The following ATG4A variants were observed in gnomAD, a reference collection of about 807,000 sequenced individuals.
ATG4A encodes the protein cysteine protease ATG4A.
A neutral mutation model predicts 38.4 loss-of-function variants in ATG4A; 22 were observed. The observed-to-expected ratio is 0.57, with a 90% CI of 0.41 to 0.82. The LOEUF (loss-of-function observed/expected upper bound fraction) is 0.82, where lower values mean the gene tolerates loss of function less well. ATG4A is among the 40% of genes least tolerant of loss of function. The pLI is 0.00. For missense variants in ATG4A, 220 were observed against 290.0 expected, an observed-to-expected ratio of 0.76 and a Z score of 1.75; for synonymous variants, 86 against 100.7, an observed-to-expected ratio of 0.85 and a Z score of 0.88.
At chrX:108,144,030 G>C (rs2033366782) in intron 9 of ATG4A, among the ~76,000 whole-genome samples, 1 of 112,422 alleles carries the variant, frequency 8.9e-6, no homozygotes. Flanking sequence ...AATTCCATGA[G>C]AATGAGCTCA....
intron 9 of ATG4A, among the ~76,000 whole-genome samples, chrX:108,141,921 G>A (rs907791099): frequency 1.8e-5 from 2 of 110,986 alleles, no homozygotes; most frequent in South Asian, 7.7e-4. Flanking sequence ...TATACCTGTC[G>A]CCCAAATATT....
At chrX:108,121,311 C>A (rs2032642063) in intron 1 of ATG4A, among the ~76,000 whole-genome samples, 1 of 111,393 alleles carries the variant, frequency 9.0e-6, no homozygotes. Flanking sequence ...ATCTATCATG[C>A]CTGTTTTCAA....
At chrX:108,141,505 C>T (rs1289434709) in intron 9 of ATG4A, among the ~76,000 whole-genome samples, 1 of 111,620 alleles carries the variant, frequency 9.0e-6, no homozygotes, top group Non-Finnish European at 1.9e-5. Context: ...AAGAGTCGAT[C>T]CCAATTTGAT....
At chrX:108,105,756 C>T (rs755419188) in intron 1 of ATG4A, among the ~76,000 whole-genome samples, 1 of 111,367 alleles carries the variant, frequency 9.0e-6, no homozygotes, top group South Asian at 3.8e-4. Flanking sequence ...ATAGAAACCT[C>T]TTCCTGGTTC....
chrX:108,148,426 G>A (rs1299962867), intron 9 of ATG4A, among the ~76,000 whole-genome samples: 1 of 99,323 alleles, frequency 1.0e-5, no homozygotes, highest in Non-Finnish European at 2.0e-5. Context: ...CAGTCAAGTT[G>A]ACACTCAGTA....
chrX:108,115,596 G>A (rs2032485321), intron 1 of ATG4A, among the ~76,000 whole-genome samples: 1 of 112,230 alleles, frequency 8.9e-6, no homozygotes, highest in Non-Finnish European at 1.9e-5. Context: ...TTGCTATGTA[G>A]CATTCCAAAG....
intron 1 of ATG4A, among the ~76,000 whole-genome samples, chrX:108,104,598 A>G (rs1226858032): frequency 9.0e-6 from 1 of 111,605 alleles, no homozygotes; most frequent in Admixed American, 9.5e-5. Context: ...ACTTTTGACA[A>G]TCTGATTACA....
At chrX:108,101,723 C>G (rs2032020676) in intron 1 of ATG4A, among the ~76,000 whole-genome samples, 1 of 109,112 alleles carries the variant, frequency 9.2e-6, no homozygotes, top group Non-Finnish European at 1.9e-5. Context: ...GCTTATTGAG[C>G]AGCAACTCCC....
At chrX:108,145,044 C>T (rs1265777951) in intron 9 of ATG4A, among the ~76,000 whole-genome samples, 1 of 112,203 alleles carries the variant, frequency 8.9e-6, no homozygotes, top group Non-Finnish European at 1.9e-5. Flanking sequence ...ATTGCAGCAA[C>T]TTATCCTTCA....
chrX:108,142,314 G>T (rs1300363794), intron 9 of ATG4A, among the ~76,000 whole-genome samples: 1 of 110,891 alleles, frequency 9.0e-6, no homozygotes, highest in Non-Finnish European at 1.9e-5. Context: ...AGGCTGGGAT[G>T]GGGATCGCTT....
At chrX:108,143,874 G>A (rs2033363723) in intron 9 of ATG4A, 3 of 115,333 alleles carry the variant, frequency 2.6e-5, no homozygotes, top group Admixed American at 1.9e-4. Context: ...CTAATTCAGA[G>A]CTTACACAGC....
At position 108,151,700 on chromosome X, in the gene ATG4A, T is replaced by C. The variant is rs1364005656; in HGVS notation, c.961-102T>C. ...GTCTTCCTTCTTTATTGCTGAGAAG[T>C]CACATCCACAGAGACTGGCCCACAT... is the stretch of plus-strand genomic sequence containing the variant. On this transcript the variant is annotated intron_variant, in intron 10 of 12. Transcript: ENST00000372232. The C allele has an allele frequency of 3.7e-6, 3 of 803,484 alleles. No individual in the cohort carries two copies. In the African/African-American group the frequency reaches 6.1e-5, roughly 16 times the overall value. 66.2% of individuals were successfully genotyped at this position (803,484 alleles called of 1,213,427 possible).
chrX:108,149,284 C>T (rs892147687), intron 9 of ATG4A, among the ~76,000 whole-genome samples: 9 of 112,558 alleles, frequency 8.0e-5, no homozygotes, highest in Middle Eastern at 9.3e-3. Flanking sequence ...CCCTCAGGCC[C>T]GGACAGTGAG....
intron 9 of ATG4A, among the ~76,000 whole-genome samples, chrX:108,148,030 T>TATATATATATAA (rs2033470778): frequency 1.4e-3 from 2 of 1,416 alleles, no homozygotes; most frequent in African/African-American, 9.8e-3. Context: ...AATATATATA[T>TATATATATATAA]ATATATATAT....
intron 4 of ATG4A, among the ~76,000 whole-genome samples, chrX:108,133,395 A>G (rs2033013331): frequency 8.9e-6 from 1 of 112,539 alleles, no homozygotes; most frequent in Non-Finnish European, 1.9e-5. Context: ...GAAGGCACAG[A>G]TGGTATCCGT....
intron 1 of ATG4A, among the ~76,000 whole-genome samples, chrX:108,113,321 C>T (rs2032415801): frequency 9.0e-6 from 1 of 111,655 alleles, no homozygotes; most frequent in African/African-American, 3.3e-5. Flanking sequence ...AACTCTGGTG[C>T]ACATCATTTC....
intron 1 of ATG4A, among the ~76,000 whole-genome samples, chrX:108,100,902 C>T (rs2031987952): frequency 9.0e-6 from 1 of 111,018 alleles, no homozygotes; most frequent in Non-Finnish European, 1.9e-5. Context: ...GCAATATTGG[C>T]CTTATAATAA....
chrX:108,143,805 C>A, intron 9 of ATG4A: 1 of 169,306 alleles, frequency 5.9e-6, no homozygotes, highest in Non-Finnish European at 1.1e-5. Context: ...CACTTCCACT[C>A]CTTGATTCCT....
At chrX:108,134,800 G>A (rs2033054245) in intron 6 of ATG4A, among the ~76,000 whole-genome samples, 1 of 111,734 alleles carries the variant, frequency 8.9e-6, no homozygotes. Context: ...GCTCCCACAT[G>A]CACTACATAA....
Sources: gnomAD v4.1 joint callset for allele counts (sites outside exome capture counted in the v4.1 genomes callset) on GRCh38, gnomAD v4.1.1 for gene constraint, MANE v1.5 for transcripts, NCBI Gene and HGNC (gene_info 2026-07-23, HGNC 2026-07-21) for gene names.